The following RANBP2 variants were observed in gnomAD, a reference collection of about 807,000 sequenced individuals.
RANBP2 encodes the protein RAN binding protein 2.
Under a neutral mutation model 303.6 loss-of-function variants are expected in RANBP2, and 57 were observed. The observed-to-expected ratio is 0.19, with a 90% confidence interval of 0.15 to 0.23. The LOEUF is 0.23. Among genes scored for constraint, RANBP2 ranks in the 10% least tolerant of loss-of-function variants. RANBP2 has a pLI of 1.00. For synonymous variants in RANBP2, 1,167 were observed against 1,301.5 expected, an observed-to-expected ratio of 0.90 and a Z score of 2.23; for missense variants, 3,138 against 3,780.8, an observed-to-expected ratio of 0.83 and a Z score of 4.46.
At chr2:108,845,460 A>T in the RANBP2 span, among the ~76,000 whole-genome samples, 1 of 152,216 alleles carries the variant, frequency 6.6e-6, no homozygotes, top group African/African-American at 2.4e-5. Context: ...ATAAAAACTC[A>T]GTCACATGAG....
the RANBP2 span, among the ~76,000 whole-genome samples, chr2:109,084,485 T>TA: frequency 3.3e-5 from 5 of 152,176 alleles, no homozygotes; most frequent in Admixed American, 6.5e-5. Flanking sequence ...AGCCCTCCCC[T>TA]AGTCATTCAG....
chr2:109,615,953 C>A, the RANBP2 span: 2 of 1,592,918 alleles, frequency 1.3e-6, no homozygotes, highest in Non-Finnish European at 8.5e-7. Flanking sequence ...CACCCTCTTT[C>A]AGGGACCCAG....
At chr2:109,357,056 T>TA in the RANBP2 span, among the ~76,000 whole-genome samples, 1 of 151,752 alleles carries the variant, frequency 6.6e-6, no homozygotes, top group Non-Finnish European at 1.5e-5. Flanking sequence ...GTTACCTTTT[T>TA]AAAATTTTTT....
At chr2:109,525,599 C>T in the RANBP2 span, among the ~76,000 whole-genome samples, 1 of 152,176 alleles carries the variant, frequency 6.6e-6, no homozygotes, top group Non-Finnish European at 1.5e-5. Flanking sequence ...AGGTCCAGCA[C>T]CCGGCATTCA....
At chr2:109,152,614 T>C in the RANBP2 span, among the ~76,000 whole-genome samples, 1 of 152,276 alleles carries the variant, frequency 6.6e-6, no homozygotes, top group Non-Finnish European at 1.5e-5. Flanking sequence ...TATTTAAAGC[T>C]GTGGGGATTA....
At chr2:108,994,680 C>A in the RANBP2 span, among the ~76,000 whole-genome samples, 1 of 151,396 alleles carries the variant, frequency 6.6e-6, no homozygotes, top group South Asian at 2.1e-4. Context: ...ATCATGGCTC[C>A]GGGGAAAGGG....
the RANBP2 span, among the ~76,000 whole-genome samples, chr2:108,844,990 C>T: frequency 3.3e-5 from 5 of 152,204 alleles, no homozygotes; most frequent in African/African-American, 1.2e-4. Flanking sequence ...TTGTGATCCG[C>T]CTGCCTTGGC....
At chr2:108,975,601 C>T in the RANBP2 span, among the ~76,000 whole-genome samples, 1 of 152,172 alleles carries the variant, frequency 6.6e-6, no homozygotes, top group Admixed American at 6.5e-5. Flanking sequence ...AGGGCAGCAG[C>T]TTTGGGGAGG....
the RANBP2 span, chr2:109,449,167 C>T: frequency 1.9e-6 from 3 of 1,612,878 alleles, no homozygotes; most frequent in East Asian, 2.2e-5. Context: ...ACCCCGTCTC[C>T]AGCTGCCCAC....
chr2:109,530,259 G>C, the RANBP2 span, among the ~76,000 whole-genome samples: 1 of 152,164 alleles, frequency 6.6e-6, no homozygotes, highest in East Asian at 1.9e-4. Context: ...GATCACCTGT[G>C]CACAAAGGAG....
the RANBP2 span, among the ~76,000 whole-genome samples, chr2:109,391,525 A>G: frequency 6.6e-6 from 1 of 152,204 alleles, no homozygotes; most frequent in East Asian, 1.9e-4. Flanking sequence ...GCCTCTGTCA[A>G]ACTAACTTCA....
chr2:109,164,712 A>T, the RANBP2 span, among the ~76,000 whole-genome samples: 1 of 152,188 alleles, frequency 6.6e-6, no homozygotes, highest in Non-Finnish European at 1.5e-5. Context: ...ATCATGATCA[A>T]TCAGGCTACC....
the RANBP2 span, among the ~76,000 whole-genome samples, chr2:109,132,227 C>T: frequency 1.3e-5 from 2 of 152,130 alleles, no homozygotes; most frequent in Non-Finnish European, 1.5e-5. Flanking sequence ...CTCCTTACAT[C>T]TTCTTTTGGG....
chr2:109,432,996 A>G, the RANBP2 span, among the ~76,000 whole-genome samples: 1 of 152,258 alleles, frequency 6.6e-6, no homozygotes, highest in Non-Finnish European at 1.5e-5. Context: ...GTGTGCACAT[A>G]TATACAGTGT....
At chr2:109,686,394 A>C in the RANBP2 span, among the ~76,000 whole-genome samples, 1 of 152,004 alleles carries the variant, frequency 6.6e-6, no homozygotes, top group Non-Finnish European at 1.5e-5. Context: ...GGCTCACTGC[A>C]ACCTCTGCCT....
At chr2:109,066,111 A>AT in the RANBP2 span, among the ~76,000 whole-genome samples, 2,329 of 132,884 alleles carry the variant, frequency 0.018, 31 homozygotes, top group African/African-American at 0.043. Flanking sequence ...CTAATTCTGT[A>AT]TTTTTTTTTT....
At chr2:108,901,458 T>A in the RANBP2 span, among the ~76,000 whole-genome samples, 1 of 151,442 alleles carries the variant, frequency 6.6e-6, no homozygotes, top group Middle Eastern at 3.4e-3. Flanking sequence ...TAGAAGGAAA[T>A]AAGTAATTTA....
At chr2:108,993,855 CAT>C in the RANBP2 span, among the ~76,000 whole-genome samples, 1 of 152,168 alleles carries the variant, frequency 6.6e-6, no homozygotes, top group Non-Finnish European at 1.5e-5. Flanking sequence ...CAACAACAGA[CAT>C]TTGTTTCTCC....
the RANBP2 span, among the ~76,000 whole-genome samples, chr2:109,118,429 G>A: frequency 6.6e-6 from 1 of 151,494 alleles, no homozygotes; most frequent in African/African-American, 2.4e-5. Flanking sequence ...TGCAGACCCT[G>A]ACCCAAACGA....
Sources: allele counts gnomAD v4.1 joint callset (sites outside exome capture counted in the v4.1 genomes callset), GRCh38; gene constraint gnomAD v4.1.1; transcripts MANE v1.5; gene names NCBI Gene and HGNC (gene_info 2026-07-23, HGNC 2026-07-21).